REV3L: variants seen among roughly 807,000 people sequenced by gnomAD.
REV3L encodes REV3 like, DNA directed polymerase zeta catalytic subunit, also known as DNA polymerase zeta catalytic subunit.
Under a neutral mutation model 299.4 loss-of-function variants are expected in REV3L, and 69 were observed. That is an observed-to-expected ratio of 0.23 (90% CI 0.19 to 0.28). REV3L has a LOEUF of 0.28. Among genes scored for constraint, REV3L ranks in the 10% least tolerant of loss-of-function variants. REV3L has a pLI of 1.00. For synonymous variants in REV3L, 1,238 were observed against 1,271.4 expected, an observed-to-expected ratio of 0.97 and a Z score of 0.56; for missense variants, 3,128 against 3,693.8, an observed-to-expected ratio of 0.85 and a Z score of 3.97.
At chr6:111,335,335 G>T in intron 22 of REV3L, 134 bp downstream of exon 22, 2 of 1,007,840 alleles carry the variant, frequency 2.0e-6, no homozygotes, top group Non-Finnish European at 1.4e-6. Flanking sequence ...AGAATAAAAT[G>T]ACAAGATTTA....
rs1463845678 is a variant in REV3L at position 111,376,529 on chromosome 6, C to T, written c.1826G>A (p.Gly609Asp). Residue 609 changes from glycine to aspartate, a missense_variant, in exon 13 of 32, where the codon GGT becomes GAT. Gly to Asp is a moderately conservative substitution (Grantham distance 94). Transcript: ENST00000368802. The stretch of plus-strand genomic sequence containing the variant: ...AAAAGAAGTGACTGAGTTATCTAGA[C>T]CTTTTTCTGTATTTTTGTTTGTCTG... ...LSQTNKNTEK[G>D]LDNSVTSFTN... The T allele has an allele frequency of 1.2e-6, 2 of 1,612,310 alleles. No homozygotes were observed. The highest frequency in any genetic ancestry group is 2.2e-5 in the South Asian group (2 of 90,606).
intron 1 of REV3L, among the ~76,000 whole-genome samples, chr6:111,423,375 A>C (rs1248926102): frequency 6.6e-6 from 1 of 152,224 alleles, no homozygotes; most frequent in Non-Finnish European, 1.5e-5. Context: ...CAAGCAAATG[A>C]GGAAGAATGT....
At chr6:111,434,175 T>C (rs983111336) in intron 1 of REV3L, among the ~76,000 whole-genome samples, 6 of 152,136 alleles carry the variant, frequency 3.9e-5, no homozygotes, top group Admixed American at 2.6e-4. Flanking sequence ...AATGTAATAC[T>C]GGAAGTCCTG....
rs1056564878 is a variant in REV3L at position 111,375,285 on chromosome 6, A to G, written c.3070T>C (p.Trp1024Arg). 1 of 1,604,088 alleles carries G rather than the reference A, an allele frequency of 6.2e-7. No individual in the cohort carries two copies. The highest frequency in any genetic ancestry group is 8.5e-7 in the Non-Finnish European group (1 of 1,177,904). The part of the protein sequence containing the change: ...YKKLAPLKDF[W>R]PKVPDSPATK... ...GCAGGGGAGTCGGGAACTTTTGGCC[A>G]AAAGTCCTTCAAAGGTGCAAGCTTT... The change falls in exon 13 of 32, where the codon TGG becomes CGG. Residue 1024 changes from tryptophan to arginine, a missense_variant. Trp to Arg is a moderately radical substitution (Grantham distance 101). Coordinates refer to ENST00000368802, the MANE Select transcript of REV3L (RefSeq NM_001372078.1).
At chr6:111,354,029 G>C (rs968668424) in intron 18 of REV3L, 1 of 152,198 alleles carries the variant, frequency 6.6e-6, no homozygotes, top group South Asian at 2.1e-4. Flanking sequence ...TGTCTGCTAA[G>C]TACTCAGAGT....
intron 1 of REV3L, among the ~76,000 whole-genome samples, chr6:111,445,834 T>C (rs1309024748): frequency 6.6e-6 from 1 of 152,056 alleles, no homozygotes; most frequent in African/African-American, 2.4e-5. Context: ...CTGGAAAAGG[T>C]AAAGCAGACA....
intron 31 of REV3L, 141 bp downstream of exon 31, chr6:111,307,220 A>G (rs985802915): frequency 1.2e-5 from 8 of 692,476 alleles, no homozygotes; most frequent in Non-Finnish European, 2.0e-5. Context: ...TATTTTTGAG[A>G]TTTTTAGGAA....
At chr6:111,306,324 C>T (rs561535655) in intron 31 of REV3L, among the ~76,000 whole-genome samples, 1 of 152,048 alleles carries the variant, frequency 6.6e-6, no homozygotes, top group Non-Finnish European at 1.5e-5. Flanking sequence ...CGGCGAGGGG[C>T]ATTCACAGAC....
At position 111,372,908 on chromosome 6, in the gene REV3L, G is replaced by T; in HGVS notation, c.5447C>A (p.Thr1816Asn). 6.2e-7 allele frequency: 1 copy of T among 1,614,034 alleles called. No homozygotes were observed. The highest frequency in any genetic ancestry group is 8.5e-7 in the Non-Finnish European group (1 of 1,179,990). The change falls in exon 13 of 32, where the codon ACC becomes AAC. Residue 1816 changes from threonine to asparagine, a missense_variant. Physicochemically the swap from Thr to Asn is moderately conservative, Grantham distance 65. Transcript: ENST00000368802. ...GGAGGAGAGTATTGCAGTAAAAGAG[G>T]TATTGGCTGAGTCAAGAGACTGTCC... ...EMGQSLDSAN[T>N]SFTAILSSPD...
intron 1 of REV3L, among the ~76,000 whole-genome samples, chr6:111,422,650 A>G (rs191511342): frequency 0.18 from 2,984 of 16,754 alleles, 506 homozygotes; most frequent in African/African-American, 0.29. Flanking sequence ...ATATATATAC[A>G]TATATATATA....
At chr6:111,340,482 G>A (rs1400918947) in intron 21 of REV3L, among the ~76,000 whole-genome samples, 1 of 151,950 alleles carries the variant, frequency 6.6e-6, no homozygotes, top group African/African-American at 2.4e-5. Flanking sequence ...GGGCTTCCAG[G>A]AGACAAAAAT....
rs1320576072 is a variant in REV3L, at chr6:111,381,307, G to A, written c.1216+18C>T. The A allele has an allele frequency of 6.2e-7, 1 of 1,611,680 alleles. No individual in the cohort carries two copies. The highest frequency in any genetic ancestry group is 1.7e-5 in the Admixed American group (1 of 59,656). On this transcript the variant is annotated intron_variant, in intron 10 of 31. Transcript: ENST00000368802. ...CTGAATTACAATACTGAATATTTATGGTAGCACTGTTACTTACTGAAAACA... is the reference window on the plus strand; with the variant it reads ...CTGAATTACAATACTGAATATTTATAGTAGCACTGTTACTTACTGAAAACA...
In REV3L at chr6:111,427,524, G is replaced by A. The variant is rs186947027; in HGVS notation, c.140-11052C>T. ...CTGACACGATCATGAGCAATATCCC[G>A]AACTCAAATATGAGGAGACAGTTCC... On this transcript the variant is annotated intron_variant, in intron 1 of 31. Transcript: ENST00000368802. Among the ~76,000 whole-genome samples, 145 of 152,212 alleles carry A rather than the reference G, an allele frequency of 9.5e-4. 1 individual carries two copies. The highest frequency in any genetic ancestry group is 3.4e-3 in the Middle Eastern group (1 of 294).
At chr6:111,473,504 A>T (rs966346603) in intron 1 of REV3L, among the ~76,000 whole-genome samples, 1 of 151,836 alleles carries the variant, frequency 6.6e-6, no homozygotes, top group Non-Finnish European at 1.5e-5. Context: ...ATTTTTATTT[A>T]TGTTTGCCCT....
intron 26 of REV3L, among the ~76,000 whole-genome samples, chr6:111,318,148 C>T (rs1024799847): frequency 6.6e-6 from 1 of 151,268 alleles, no homozygotes; most frequent in Non-Finnish European, 1.5e-5. Context: ...GGTGCAGTGG[C>T]GCGATCTCGG....
chr6:111,303,553 G>C (rs1771860873), intron 31 of REV3L, among the ~76,000 whole-genome samples: 1 of 151,150 alleles, frequency 6.6e-6, no homozygotes, highest in African/African-American at 2.4e-5. Flanking sequence ...TTTTAGTAGA[G>C]ATGGGGTTTT....
intron 31 of REV3L, among the ~76,000 whole-genome samples, chr6:111,306,612 G>A (rs1443018768): frequency 6.6e-6 from 1 of 152,176 alleles, no homozygotes; most frequent in East Asian, 1.9e-4. Flanking sequence ...ACTTAGCAGT[G>A]TAACATGCAA....
chr6:111,366,861 A>G (rs929980681), intron 14 of REV3L, among the ~76,000 whole-genome samples: 2 of 152,182 alleles, frequency 1.3e-5, no homozygotes, highest in African/African-American at 4.8e-5. Context: ...AGCCAACAGG[A>G]AAGTCAAGTT....
At chr6:111,427,903 G>A (rs1786378588) in intron 1 of REV3L, among the ~76,000 whole-genome samples, 2 of 152,008 alleles carry the variant, frequency 1.3e-5, no homozygotes, top group Middle Eastern at 3.2e-3. Flanking sequence ...ATGCCAAGTT[G>A]GAGTGGCTGT....
Sources: gnomAD v4.1 joint callset for allele counts (sites outside exome capture counted in the v4.1 genomes callset) on GRCh38, gnomAD v4.1.1 for gene constraint, MANE v1.5 for transcripts, NCBI Gene and HGNC (gene_info 2026-07-23, HGNC 2026-07-21) for gene names.